Variants in CELF2 observed in about 807,000 individuals in gnomAD.
The protein encoded by CELF2 is CUG triplet repeat RNA-binding protein 2.
A neutral mutation model predicts 62.6 loss-of-function variants in CELF2; 8 were observed. That is an observed-to-expected ratio of 0.13 (90% CI 0.07 to 0.23). The LOEUF is 0.23. CELF2 is among the 10% of genes least tolerant of loss of function. CELF2 has a pLI of 1.00. For missense variants in CELF2, 333 were observed against 671.0 expected, an observed-to-expected ratio of 0.50 and a Z score of 5.56; for synonymous variants, 258 against 250.0, an observed-to-expected ratio of 1.03 and a Z score of -0.30.
At chr10:10,777,678 A>G in the CELF2 span, among the ~76,000 whole-genome samples, 1 of 152,156 alleles carries the variant, frequency 6.6e-6, no homozygotes, top group African/African-American at 2.4e-5. Context: ...TGATGTTTCT[A>G]CAATGCAAAT....
chr10:10,697,945 A>T, the CELF2 span, among the ~76,000 whole-genome samples: 1 of 152,136 alleles, frequency 6.6e-6, no homozygotes, highest in East Asian at 1.9e-4. Flanking sequence ...GGCATGTGCC[A>T]CTACTCCCAG....
In CELF2 at chr10:11,330,337, C is replaced by G. The variant is rs1256004916; in HGVS notation, c.*1284C>G. On this transcript the variant is annotated 3_prime_UTR_variant, in exon 13 of 13. Coordinates refer to ENST00000633077, the MANE Select transcript of CELF2 (RefSeq NM_001326342.2). The surrounding 1 kb of genome is among the most constrained non-coding windows in gnomAD (Gnocchi z 4.5). ...AGAAATGCAAATTATGTGAATGGCT[C>G]GGAGACTCCCTAATGACCTAAGATT... The G allele has an allele frequency of 6.6e-6, 1 of 152,444 alleles. No individual in the cohort carries two copies. Among genetic ancestry groups the G allele is most frequent in the Non-Finnish European group, 1.5e-5 (1 of 67,944 alleles). The allele number at this position is 152,444 out of a possible 1,614,324, so 9.4% of individuals were successfully genotyped here. A position where few individuals can be genotyped will look rare whatever the true frequency, so the allele number is the denominator to read the frequency against.
intron 3 of CELF2, among the ~76,000 whole-genome samples, chr10:11,241,205 T>A (rs918615141): frequency 3.9e-5 from 6 of 152,136 alleles, no homozygotes; most frequent in Non-Finnish European, 8.8e-5. Context: ...AAACTGCTTG[T>A]TATTTATTTT....
intron 1 of CELF2, among the ~76,000 whole-genome samples, chr10:11,006,932 G>A (rs1465264999): frequency 6.6e-6 from 1 of 152,148 alleles, no homozygotes. Flanking sequence ...CAGAGAAAAT[G>A]GAAAAATCTG....
rs2071707893 is a variant in CELF2, at chr10:11,237,161, AGC to A, written c.355-11991_355-11990del. On this transcript the variant is annotated intron_variant, in intron 3 of 12. Transcript: ENST00000633077. This position sits in a 1 kb window ranked among gnomAD's most constrained non-coding sequence, Gnocchi z 4.0. ...GGAATGAAAACCTCACTAGGGCTGT[AGC>A]CGTGGAAATAGAAAAGTCTATGAGA... is the stretch of plus-strand genomic sequence containing the variant. Among the ~76,000 whole-genome samples, 1 of 152,214 alleles carries A rather than the reference AGC, an allele frequency of 6.6e-6. No homozygotes were observed. Among genetic ancestry groups the A allele is most frequent in the Non-Finnish European group, 1.5e-5 (1 of 68,030 alleles).
chr10:11,172,489 G>A (rs1260225057), intron 2 of CELF2, among the ~76,000 whole-genome samples: 3 of 152,206 alleles, frequency 2.0e-5, no homozygotes, highest in Admixed American at 1.3e-4. Context: ...TAAAGCCAGG[G>A]ACAAAGGTTA....
At chr10:11,146,717 C>T (rs1385278494) in intron 1 of CELF2, among the ~76,000 whole-genome samples, 3 of 152,204 alleles carry the variant, frequency 2.0e-5, no homozygotes, top group Non-Finnish European at 4.4e-5. Context: ...GAGGACTTTT[C>T]AGGATTCTTT....
chr10:10,689,575 C>A, the CELF2 span, among the ~76,000 whole-genome samples: 2 of 152,154 alleles, frequency 1.3e-5, no homozygotes, highest in South Asian at 2.1e-4. Context: ...ATACTTTCAA[C>A]ATGCAGGCTA....
chr10:11,104,604 C>T (rs531526046), intron 1 of CELF2, among the ~76,000 whole-genome samples: 1 of 152,116 alleles, frequency 6.6e-6, no homozygotes, highest in Admixed American at 6.5e-5. Flanking sequence ...ATGGATTGCG[C>T]CCAGGAGGCC....
the CELF2 span, among the ~76,000 whole-genome samples, chr10:10,595,779 C>T: frequency 2.0e-5 from 3 of 152,140 alleles, no homozygotes; most frequent in African/African-American, 7.2e-5. Context: ...ACCTGTAGTC[C>T]CAGCTACTCA....
At chr10:10,961,252 G>A (rs371668300) in intron 2 of CELF2, among the ~76,000 whole-genome samples, 9 of 152,152 alleles carry the variant, frequency 5.9e-5, no homozygotes, top group African/African-American at 2.2e-4. Flanking sequence ...CCAAAGGAAA[G>A]CTGACCTCAT....
At chr10:10,487,798 G>T in the CELF2 span, among the ~76,000 whole-genome samples, 1 of 152,060 alleles carries the variant, frequency 6.6e-6, no homozygotes, top group South Asian at 2.1e-4. Context: ...AATTAGTAAT[G>T]GTGGTCTTTG....
chr10:11,053,775 C>T (rs542646407), intron 1 of CELF2, among the ~76,000 whole-genome samples: 84 of 151,864 alleles, frequency 5.5e-4, no homozygotes, highest in South Asian at 1.0e-3. Flanking sequence ...CCACCATGCC[C>T]GGCTAATTTT....
In CELF2 at chr10:11,018,096, T is replaced by A. The variant is rs771191780; in HGVS notation, c.7T>A (p.Ser3Thr). 2 of 1,496,710 alleles carry A rather than the reference T, an allele frequency of 1.3e-6. No individual in the cohort carries two copies. The highest frequency in any genetic ancestry group is 4.1e-5 in the Admixed American group (2 of 48,358). 92.7% of individuals were successfully genotyped at this position (1,496,710 alleles called of 1,614,324 possible). MT[S>T]AFKLDFLPDM... ...GCCGCGTGCGCCCGCGAACATGACT[T>A]CTGCCTTCAAGCTGGATTTCCTCCC... is the stretch of plus-strand genomic sequence containing the variant. The change falls in exon 1 of 13, where the codon TCT becomes ACT. Residue 3 changes from serine to threonine, a missense_variant. Transcript: ENST00000633077.
the CELF2 span, among the ~76,000 whole-genome samples, chr10:10,548,983 G>C: frequency 8.5e-5 from 13 of 152,278 alleles, no homozygotes; most frequent in East Asian, 2.5e-3. Context: ...CGATCAGACA[G>C]CAAAATCAAG....
At chr10:11,034,561 A>G (rs1046067055) in intron 1 of CELF2, among the ~76,000 whole-genome samples, 13 of 152,292 alleles carry the variant, frequency 8.5e-5, no homozygotes, top group African/African-American at 3.1e-4. Flanking sequence ...GGAAATGTGC[A>G]CAGAAGCCCC....
the CELF2 span, among the ~76,000 whole-genome samples, chr10:10,577,804 T>G: frequency 9.9e-5 from 15 of 152,190 alleles, no homozygotes; most frequent in African/African-American, 2.4e-4. Context: ...ATTGTGAATA[T>G]TGCCACAATA....
At position 11,302,290 on chromosome 10, in the gene CELF2, A is replaced by G. The variant is rs1325461120; in HGVS notation, c.977-11849A>G. On this transcript the variant is annotated intron_variant, in intron 9 of 12. Coordinates refer to ENST00000633077, the MANE Select transcript of CELF2 (RefSeq NM_001326342.2). The surrounding 1 kb of genome is among the most constrained non-coding windows in gnomAD (Gnocchi z 5.0). ...TCGTGATGGAATTTGACAGCACCGC[A>G]TCGGATAGTCCTGACACACGTGGTT... Among the ~76,000 whole-genome samples the G allele has an allele frequency of 6.6e-6, 1 of 152,190 alleles. No homozygotes were observed. Among genetic ancestry groups the G allele is most frequent in the Non-Finnish European group, 1.5e-5 (1 of 68,036 alleles).
chr10:10,557,436 G>A, the CELF2 span, among the ~76,000 whole-genome samples: 9 of 143,052 alleles, frequency 6.3e-5, no homozygotes, highest in Non-Finnish European at 1.4e-4. Flanking sequence ...GGTTACTGTA[G>A]CCTTGCAGTA....
Sources: gnomAD v4.1 joint callset for allele counts (sites outside exome capture counted in the v4.1 genomes callset) on GRCh38, gnomAD v4.1.1 for gene constraint, Gnocchi (gnomAD v3.1) non-coding constraint, MANE v1.5 for transcripts, NCBI Gene and HGNC (gene_info 2026-07-23, HGNC 2026-07-21) for gene names.